The following DLGAP2 variants were observed in gnomAD, a reference collection of about 807,000 sequenced individuals.
DLGAP2 encodes the protein disks large-associated protein 2.
DLGAP2 carries 26 observed loss-of-function variants against 100.3 expected under a neutral mutation model. That is an observed-to-expected ratio of 0.26 (90% confidence interval 0.19 to 0.36). The LOEUF (loss-of-function observed/expected upper bound fraction) is 0.36. Ranked by LOEUF, DLGAP2 falls within the 10% of genes least tolerant of loss-of-function variation. DLGAP2 has a pLI of 1.00. For synonymous variants in DLGAP2, 886 were observed against 630.1 expected (o/e 1.41, Z -6.08); for missense variants, 1,858 against 1,453.2 (o/e 1.28, Z -4.53).
chr8:1,254,407 C>T (rs770258698), intron 2 of DLGAP2, among the ~76,000 whole-genome samples: 9 of 152,090 alleles, frequency 5.9e-5, no homozygotes, highest in Non-Finnish European at 1.3e-4. Context: ...GAGTGTCATG[C>T]CAAGGTCTCA....
intron 4 of DLGAP2, among the ~76,000 whole-genome samples, chr8:1,510,196 A>G (rs1212851092): frequency 6.6e-6 from 1 of 152,222 alleles, no homozygotes; most frequent in East Asian, 1.9e-4. Flanking sequence ...TTTGTGATTT[A>G]GATGGAAAAT....
intron 2 of DLGAP2, among the ~76,000 whole-genome samples, chr8:995,453 A>G (rs1292248224): frequency 6.6e-6 from 1 of 152,240 alleles, no homozygotes; most frequent in East Asian, 1.9e-4. Context: ...ATCAAAAACC[A>G]AGTCTCATTA....
In DLGAP2 at chr8:805,051, G is replaced by A. The variant is rs540176194; in HGVS notation, c.18+67226G>A. Among the ~76,000 whole-genome samples the A allele has an allele frequency of 5.3e-4, 80 of 152,308 alleles. 1 individual carries two copies. The South Asian group carries it at 0.016, about 30-fold the overall frequency. ...CTCCCAAATTGTTGGGATTATAGGC[G>A]TGAGCTACTGCTCCTGGCCTCTGCC... On this transcript the variant is annotated intron_variant, in intron 1 of 14. Transcript: ENST00000637795.
At chr8:892,432 G>A (rs1350407675) in intron 1 of DLGAP2, among the ~76,000 whole-genome samples, 1 of 152,178 alleles carries the variant, frequency 6.6e-6, no homozygotes, top group Non-Finnish European at 1.5e-5. Context: ...TATGCTGAGT[G>A]GAATAAGCCA....
chr8:1,464,694 C>T (rs900036162), intron 3 of DLGAP2, among the ~76,000 whole-genome samples: 11 of 152,214 alleles, frequency 7.2e-5, no homozygotes, highest in Non-Finnish European at 1.6e-4. Context: ...GGAGACACGT[C>T]CCTCACCTTT....
chr8:1,089,958 A>G (rs1169205250), intron 2 of DLGAP2, among the ~76,000 whole-genome samples: 1 of 152,132 alleles, frequency 6.6e-6, no homozygotes, highest in Non-Finnish European at 1.5e-5. Flanking sequence ...GGAAGAAGTG[A>G]CTTGGGGGGC....
intron 8 of DLGAP2, among the ~76,000 whole-genome samples, chr8:1,652,618 T>C (rs1442050241): frequency 6.6e-6 from 1 of 152,120 alleles, no homozygotes; most frequent in Non-Finnish European, 1.5e-5. Flanking sequence ...TAGGAAGTGG[T>C]AGGCGGTCCG....
At chr8:1,376,085 CATTTGGGTTA>C (rs1802380005) in intron 3 of DLGAP2, among the ~76,000 whole-genome samples, 2 of 131,640 alleles carry the variant, frequency 1.5e-5, no homozygotes, top group African/African-American at 5.5e-5. Context: ...CCACCTCCTA[CATTTGGGTTA>C]ACGACACCTC....
intron 3 of DLGAP2, among the ~76,000 whole-genome samples, chr8:1,290,032 A>C (rs989499606): frequency 6.6e-6 from 1 of 152,128 alleles, no homozygotes; most frequent in African/African-American, 2.4e-5. Flanking sequence ...AAGAAAACTA[A>C]CCACTGTTCA....
chr8:1,676,647 A>AC (rs755444890), intron 11 of DLGAP2, 29 bp downstream of exon 11: 12 of 1,593,914 alleles, frequency 7.5e-6, no homozygotes, highest in East Asian at 2.3e-5. Flanking sequence ...ACACGCGGTG[A>AC]CCCCCGAGCG....
At chr8:1,355,596 C>T (rs1469089251) in intron 3 of DLGAP2, among the ~76,000 whole-genome samples, 2 of 152,130 alleles carry the variant, frequency 1.3e-5, no homozygotes, top group Admixed American at 6.5e-5. Flanking sequence ...AACTCCTGAC[C>T]TCATGATCCA....
intron 3 of DLGAP2, among the ~76,000 whole-genome samples, chr8:1,325,414 G>A (rs890611927): frequency 6.6e-6 from 1 of 152,196 alleles, no homozygotes; most frequent in Non-Finnish European, 1.5e-5. Flanking sequence ...GTGGTCCCCC[G>A]ACCCTGCAGC....
intron 1 of DLGAP2, among the ~76,000 whole-genome samples, chr8:760,266 CG>C (rs754406810): frequency 7.9e-5 from 12 of 152,230 alleles, no homozygotes; most frequent in Non-Finnish European, 1.6e-4. Flanking sequence ...GCCTGATCTG[CG>C]GGGGTTTCTT....
chr8:804,361 CTG>C, intron 1 of DLGAP2, among the ~76,000 whole-genome samples: 1 of 152,296 alleles, frequency 6.6e-6, no homozygotes, highest in Non-Finnish European at 1.5e-5. Flanking sequence ...GCGATGGTCT[CTG>C]TGTTTGGGGT....
At chr8:1,178,404 A>G (rs1436286792) in intron 2 of DLGAP2, among the ~76,000 whole-genome samples, 1 of 152,066 alleles carries the variant, frequency 6.6e-6, no homozygotes, top group Admixed American at 6.5e-5. Flanking sequence ...AGGCTTCCTT[A>G]ATGGATTTGG....
intron 3 of DLGAP2, among the ~76,000 whole-genome samples, chr8:1,305,858 C>G (rs574777096): frequency 3.9e-5 from 6 of 152,322 alleles, no homozygotes; most frequent in Admixed American, 2.6e-4. Context: ...AGGAACAAGG[C>G]AAGTGTGCCC....
chr8:1,251,813 C>T (rs565425486), intron 2 of DLGAP2, among the ~76,000 whole-genome samples: 3 of 152,312 alleles, frequency 2.0e-5, no homozygotes, highest in African/African-American at 7.2e-5. Context: ...CGTCATCGCA[C>T]TGTTGCACGG....
chr8:1,160,940 T>C (rs1380864295), intron 2 of DLGAP2, among the ~76,000 whole-genome samples: 2 of 152,260 alleles, frequency 1.3e-5, no homozygotes, highest in African/African-American at 4.8e-5. Context: ...GGAATTATTT[T>C]ACCCCATAGC....
intron 3 of DLGAP2, among the ~76,000 whole-genome samples, chr8:1,491,875 G>T (rs1050239287): frequency 6.6e-6 from 1 of 152,170 alleles, no homozygotes; most frequent in African/African-American, 2.4e-5. Context: ...AGATGATGTC[G>T]TAGTTTATCG....
Sources: allele counts gnomAD v4.1 joint callset (sites outside exome capture counted in the v4.1 genomes callset), GRCh38; gene constraint gnomAD v4.1.1; transcripts MANE v1.5; gene names NCBI Gene and HGNC (gene_info 2026-07-23, HGNC 2026-07-21).